The following ZRANB3 variants were observed in gnomAD, a reference collection of about 807,000 sequenced individuals.
ZRANB3 encodes zinc finger RANBP2-type containing 3.
A neutral mutation model predicts 133.8 loss-of-function variants in ZRANB3; 125 were observed. That is an observed-to-expected ratio of 0.93 (90% CI 0.81 to 1.08). The LOEUF is 1.08. Among genes scored for constraint, ZRANB3 ranks in the 50% least tolerant of loss-of-function variants. The probability of loss-of-function intolerance (pLI) is 0.00; values close to 1 mark genes in which losing one functional copy is unlikely to be tolerated. For synonymous variants in ZRANB3, 387 were observed against 432.7 expected, an observed-to-expected ratio of 0.89 and a Z score of 1.31; for missense variants, 1,229 against 1,275.5, an observed-to-expected ratio of 0.96 and a Z score of 0.56.
chr2:135,524,755 G>A (rs546995193), intron 1 of ZRANB3, among the ~76,000 whole-genome samples: 2 of 152,100 alleles, frequency 1.3e-5, no homozygotes, highest in South Asian at 4.1e-4. Flanking sequence ...AAAGAACAGT[G>A]TCCAAAGAGA....
chr2:135,523,272 C>A (rs542017142), intron 1 of ZRANB3, among the ~76,000 whole-genome samples: 5 of 152,320 alleles, frequency 3.3e-5, no homozygotes, highest in South Asian at 2.1e-4. Flanking sequence ...CTTTTCCCCC[C>A]CAAGTTCCAC....
rs1686717246 is a variant in ZRANB3, at chr2:135,381,882, A to G, written c.180+8920T>C. Among the ~76,000 whole-genome samples, 3 of 152,278 alleles carry G rather than the reference A, an allele frequency of 2.0e-5. No individual in the cohort carries two copies. In the South Asian group the frequency reaches 6.2e-4, roughly 32 times the overall value. ...AAATACCAAAGGTAGATAAAACCAC[A>G]AAGATGGGGAAAAAACAGAGCAGAA... is the stretch of plus-strand genomic sequence containing the variant. On this transcript the variant is annotated intron_variant, in intron 3 of 20. Coordinates refer to ENST00000264159, the MANE Select transcript of ZRANB3 (RefSeq NM_032143.4).
intron 8 of ZRANB3, among the ~76,000 whole-genome samples, chr2:135,310,248 T>TTA (rs1682909718): frequency 6.6e-6 from 1 of 152,168 alleles, no homozygotes; most frequent in Non-Finnish European, 1.5e-5. Context: ...TCAAGACTTA[T>TTA]TATAAAGCTA....
intron 1 of ZRANB3, among the ~76,000 whole-genome samples, chr2:135,523,533 C>T (rs1336920361): frequency 2.0e-5 from 3 of 152,076 alleles, no homozygotes; most frequent in East Asian, 1.9e-4. Context: ...GCCTGATTAA[C>T]GGAAACAATA....
chr2:135,419,713 T>C (rs989358436), intron 2 of ZRANB3, among the ~76,000 whole-genome samples: 25 of 146,890 alleles, frequency 1.7e-4, no homozygotes, highest in South Asian at 4.3e-4. Flanking sequence ...TTTTTTTTTT[T>C]CCTTAAATAA....
intron 8 of ZRANB3, among the ~76,000 whole-genome samples, chr2:135,305,005 C>G (rs1175335245): frequency 3.9e-5 from 6 of 151,914 alleles, no homozygotes; most frequent in Non-Finnish European, 8.8e-5. Flanking sequence ...GAGATGGGGT[C>G]TCACTATGTC....
chr2:135,495,160 C>T (rs181621221), intron 2 of ZRANB3, among the ~76,000 whole-genome samples: 90 of 151,966 alleles, frequency 5.9e-4, no homozygotes, highest in African/African-American at 1.8e-3. Flanking sequence ...GCTGTGAATA[C>T]GAGGTTACAG....
At chr2:135,292,255 C>T (rs1349074212) in intron 8 of ZRANB3, among the ~76,000 whole-genome samples, 7 of 152,244 alleles carry the variant, frequency 4.6e-5, no homozygotes, top group South Asian at 4.1e-4. Flanking sequence ...TCTCCAGCAC[C>T]TGTTGTTTCC....
At chr2:135,508,809 A>C (rs1312850969) in intron 1 of ZRANB3, among the ~76,000 whole-genome samples, 1 of 152,140 alleles carries the variant, frequency 6.6e-6, no homozygotes, top group East Asian at 1.9e-4. Flanking sequence ...TTTAATTGCT[A>C]CAAAAAGTCA....
chr2:135,297,767 C>A (rs937927412), intron 8 of ZRANB3, among the ~76,000 whole-genome samples: 9 of 152,320 alleles, frequency 5.9e-5, no homozygotes, highest in Admixed American at 3.9e-4. Flanking sequence ...AAAGCCTTGT[C>A]TTCGATCTCT....
At chr2:135,211,947 C>T (rs1332511969) in intron 17 of ZRANB3, among the ~76,000 whole-genome samples, 1 of 152,172 alleles carries the variant, frequency 6.6e-6, no homozygotes, top group African/African-American at 2.4e-5. Flanking sequence ...TGACAAATTT[C>T]TTTCCTCTAA....
intron 2 of ZRANB3, among the ~76,000 whole-genome samples, chr2:135,405,433 T>C (rs932684892): frequency 1.3e-5 from 2 of 152,106 alleles, no homozygotes; most frequent in Admixed American, 6.6e-5. Context: ...TTAACAAGCA[T>C]ATCCAGGAAT....
At chr2:135,209,071 GAAAA>G in intron 17 of ZRANB3, 93 bp from the exon 18 acceptor site, 1 of 1,194,694 alleles carries the variant, frequency 8.4e-7, no homozygotes, top group Non-Finnish European at 1.2e-6. Context: ...AGCAATAGAA[GAAAA>G]AGCAAGCACA....
At chr2:135,477,500 C>T (rs1691556734) in intron 2 of ZRANB3, among the ~76,000 whole-genome samples, 1 of 152,128 alleles carries the variant, frequency 6.6e-6, no homozygotes, top group Non-Finnish European at 1.5e-5. Flanking sequence ...CCTCCAAGGC[C>T]CACTGGGCTA....
At chr2:135,473,873 C>G (rs543142948) in intron 2 of ZRANB3, among the ~76,000 whole-genome samples, 4 of 152,162 alleles carry the variant, frequency 2.6e-5, no homozygotes, top group African/African-American at 9.6e-5. Flanking sequence ...CTTACCTTGC[C>G]TGATAGACAC....
At chr2:135,378,684 T>C (rs1169918501) in intron 3 of ZRANB3, among the ~76,000 whole-genome samples, 1 of 152,180 alleles carries the variant, frequency 6.6e-6, no homozygotes, top group Non-Finnish European at 1.5e-5. Context: ...ATAAATCATA[T>C]TGATAGTATG....
At chr2:135,457,489 T>C (rs1052009803) in intron 2 of ZRANB3, among the ~76,000 whole-genome samples, 7 of 152,168 alleles carry the variant, frequency 4.6e-5, no homozygotes, top group Non-Finnish European at 1.0e-4. Context: ...TTTTTGATTA[T>C]AGCCATCCTC....
At chr2:135,260,036 C>T (rs1679877121) in intron 12 of ZRANB3, among the ~76,000 whole-genome samples, 2 of 152,160 alleles carry the variant, frequency 1.3e-5, no homozygotes, top group South Asian at 4.1e-4. Context: ...ATGAAGGCAG[C>T]AAAATGAAAA....
intron 6 of ZRANB3, chr2:135,345,097 TA>T (rs1388284888): frequency 6.6e-6 from 1 of 152,180 alleles, no homozygotes; most frequent in East Asian, 1.9e-4. Flanking sequence ...AAGTAGAAAG[TA>T]AAAAATAAAA....
Sources: allele counts gnomAD v4.1 joint callset (sites outside exome capture counted in the v4.1 genomes callset), GRCh38; gene constraint gnomAD v4.1.1; transcripts MANE v1.5; gene names NCBI Gene and HGNC (gene_info 2026-07-23, HGNC 2026-07-21).